Variants in USH2A observed in about 807,000 individuals in gnomAD.
USH2A encodes usherin.
A neutral mutation model predicts 538.9 loss-of-function variants in USH2A; 443 were observed. The ratio of observed to expected loss-of-function variants is 0.82; its 90% CI spans 0.76 to 0.89. USH2A has a LOEUF of 0.89. Ranked by LOEUF, USH2A falls within the 40% of genes least tolerant of loss-of-function variation. The probability of loss-of-function intolerance (pLI) is 0.00; values close to 1 mark genes in which losing one functional copy is unlikely to be tolerated. For synonymous variants in USH2A, 2,413 were observed against 2,273.5 expected (o/e 1.06, Z -1.75); for missense variants, 6,633 against 6,324.8 (o/e 1.05, Z -1.65).
At chr1:216,021,346 A>T (rs1055838617) in intron 32 of USH2A, among the ~76,000 whole-genome samples, 8 of 152,134 alleles carry the variant, frequency 5.3e-5, no homozygotes, top group Non-Finnish European at 8.8e-5. Context: ...AATAAGTCTC[A>T]TAAGATCTGA....
chr1:215,663,529 G>A lies in USH2A; in HGVS notation c.14133+7443C>T, dbSNP rs1050407914. On this transcript the variant is annotated intron_variant, in intron 64 of 71. Transcript: ENST00000307340. ...TGTTCCCGTGGTTGGTGTGTGTAGCGTGCTAGGGCAGTTCTTGCTTCTGGC... is the reference window on the plus strand; with the variant it reads ...TGTTCCCGTGGTTGGTGTGTGTAGCATGCTAGGGCAGTTCTTGCTTCTGGC... 7.2e-5 allele frequency among the ~76,000 whole-genome samples: 11 copies of A among 152,124 alleles called. No individual in the cohort carries two copies. In the South Asian group the frequency reaches 8.3e-4, roughly 11 times the overall value.
At chr1:215,689,351 A>G (rs1254618506) in intron 61 of USH2A, among the ~76,000 whole-genome samples, 1 of 152,212 alleles carries the variant, frequency 6.6e-6, no homozygotes, top group Non-Finnish European at 1.5e-5. Context: ...ACAAGTCTCC[A>G]TATGATCTCT....
Position 215,900,175 on chromosome 1 carries a change from AC to A in USH2A, c.7493del (p.Ser2498MetfsTer30), listed in dbSNP as rs1553274448. On this transcript the variant is annotated frameshift_variant, in exon 40 of 72. Transcript: ENST00000307340. LOFTEE classifies it high-confidence loss of function. ...NPSASLSYEV[S>X]DLQPYTEYMF... ...TATACTCTGTGTACGGTTGGAGATC[AC>A]TCACTTCATAGCTTAACGATGCAGA... 5.6e-6 allele frequency: 9 copies of A among 1,613,218 alleles called. No individual in the cohort carries two copies. The highest frequency in any genetic ancestry group is 7.6e-6 in the Non-Finnish European group (9 of 1,179,314).
At chr1:216,355,956 CAT>C (rs141068987) in intron 4 of USH2A, among the ~76,000 whole-genome samples, 1,559 of 152,114 alleles carry the variant, frequency 0.01, 16 homozygotes, top group African/African-American at 0.035. Flanking sequence ...ATGAATCAAA[CAT>C]GTGTTATTTA....
chr1:216,361,544 T>C (rs1487662276), intron 4 of USH2A, among the ~76,000 whole-genome samples: 1 of 152,082 alleles, frequency 6.6e-6, no homozygotes, highest in Non-Finnish European at 1.5e-5. Flanking sequence ...AGACCTCCTA[T>C]AAATTATTAA....
intron 58 of USH2A, among the ~76,000 whole-genome samples, chr1:215,747,882 G>GTATT (rs1660518190): frequency 7.8e-6 from 1 of 128,746 alleles, no homozygotes; most frequent in Non-Finnish European, 1.8e-5. Context: ...TTGTTTGTTT[G>GTATT]TTTGTTTGGT....
At chr1:216,282,046 T>C (rs1379131880) in intron 11 of USH2A, among the ~76,000 whole-genome samples, 2 of 152,056 alleles carry the variant, frequency 1.3e-5, no homozygotes, top group South Asian at 2.1e-4. Context: ...CATTTTAAAA[T>C]TGAGTTATTT....
rs190310075 is a variant in USH2A at position 216,136,420 on chromosome 1, G to C, written c.4627+38832C>G. Among the ~76,000 whole-genome samples the C allele has an allele frequency of 7.4e-4, 113 of 152,220 alleles. 2 individuals are homozygous for C. In the East Asian group the frequency reaches 9.1e-3, roughly 12 times the overall value. ...TACCATAGTGCACCATGCTGTGTTT[G>C]CAAAATTATAATTTTATATTAAATA... On this transcript the variant is annotated intron_variant, in intron 21 of 71. Coordinates refer to ENST00000307340, the MANE Select transcript of USH2A (RefSeq NM_206933.4).
In USH2A at chr1:215,780,956, G is replaced by A. The variant is rs537602984; in HGVS notation, c.10741-915C>T. 9.8e-5 allele frequency among the ~76,000 whole-genome samples: 15 copies of A among 152,374 alleles called. No homozygotes were observed. In the South Asian group the frequency reaches 3.1e-3, roughly 32 times the overall value. On this transcript the variant is annotated intron_variant, in intron 54 of 71. Transcript: ENST00000307340. ...TTTTAAGCATATGAAAAGAATCAGAGCTACTCTGTGTAAGTTTGTTTCCTC... is the reference window on the plus strand; with the variant it reads ...TTTTAAGCATATGAAAAGAATCAGAACTACTCTGTGTAAGTTTGTTTCCTC...
Position 215,670,962 on chromosome 1 carries a change from C to T in USH2A, c.14133+10G>A, listed in dbSNP as rs376302401. On this transcript the variant is annotated intron_variant, in intron 64 of 71. Coordinates refer to ENST00000307340, the MANE Select transcript of USH2A (RefSeq NM_206933.4). ...ATCAGCTCGAATTGTTTATAATACA[C>T]ATTTCTTACCTGATACTCATACTCT... The T allele has an allele frequency of 1.7e-5, 28 of 1,613,728 alleles. No individual in the cohort carries two copies. Among genetic ancestry groups the T allele is most frequent in the African/African-American group, 2.7e-5 (2 of 75,034 alleles).
chr1:216,157,107 C>T (rs1299205497), intron 21 of USH2A, among the ~76,000 whole-genome samples: 17 of 152,016 alleles, frequency 1.1e-4, no homozygotes, highest in African/African-American at 3.6e-4. Context: ...CTCTTGACCT[C>T]GTGATCCACC....
chr1:215,636,834 T>C (rs1280952471), intron 69 of USH2A, among the ~76,000 whole-genome samples: 1 of 152,142 alleles, frequency 6.6e-6, no homozygotes, highest in Non-Finnish European at 1.5e-5. Flanking sequence ...GCAGCACATC[T>C]TGGAATCTGC....
intron 61 of USH2A, among the ~76,000 whole-genome samples, chr1:215,700,246 A>G (rs1372251689): frequency 6.6e-6 from 1 of 152,164 alleles, no homozygotes; most frequent in East Asian, 1.9e-4. Context: ...AATGTTCATC[A>G]TGGATATTGG....
At position 215,878,880 on chromosome 1, in the gene USH2A, A is replaced by C; in HGVS notation, c.8442T>G (p.Val2814=). The C allele has an allele frequency of 6.2e-7, 1 of 1,614,048 alleles. No homozygotes were observed. Among genetic ancestry groups the C allele is most frequent in the Non-Finnish European group, 8.5e-7 (1 of 1,179,964 alleles). Residue 2814 remains valine, a synonymous_variant, in exon 42 of 72, where the codon GTT becomes GTG. Transcript: ENST00000307340. ...GGCTESLPTY[V]TTHPTVPQNV... ...TCTGAGGTACGGTGGGGTGAGTGGT[A>C]ACATAGGTAGGTAAACTCTCTGTGC... is the stretch of plus-strand genomic sequence containing the variant.
chr1:215,640,882 A>G, intron 67 of USH2A, 148 bp from the exon 68 acceptor site: 1 of 920,090 alleles, frequency 1.1e-6, no homozygotes, highest in South Asian at 1.6e-5. Flanking sequence ...CATTGCTAGA[A>G]TCCTTCACTT....
intron 36 of USH2A, among the ~76,000 whole-genome samples, chr1:215,969,223 A>T (rs182148236): frequency 1.3e-5 from 2 of 152,326 alleles, no homozygotes; most frequent in South Asian, 4.1e-4. Flanking sequence ...TACAGCATAA[A>T]GAAAAGTACC....
chr1:216,122,337 AG>A (rs34671253), intron 21 of USH2A, among the ~76,000 whole-genome samples: 1 of 152,206 alleles, frequency 6.6e-6, no homozygotes, highest in Non-Finnish European at 1.5e-5. Context: ...TAAAGAAAGA[AG>A]GAAGTGGGAT....
At chr1:216,235,730 T>C (rs1428772081) in intron 13 of USH2A, among the ~76,000 whole-genome samples, 1 of 152,122 alleles carries the variant, frequency 6.6e-6, no homozygotes, top group Non-Finnish European at 1.5e-5. Flanking sequence ...TTTGCCAAGG[T>C]CTTGAGAGGG....
chr1:215,663,283 C>A (rs1251111880), intron 64 of USH2A, among the ~76,000 whole-genome samples: 2 of 152,126 alleles, frequency 1.3e-5, no homozygotes, highest in Non-Finnish European at 2.9e-5. Context: ...GGGCATGGAC[C>A]TACTAAGTAG....
Sources: allele counts gnomAD v4.1 joint callset (sites outside exome capture counted in the v4.1 genomes callset), GRCh38; gene constraint gnomAD v4.1.1; transcripts MANE v1.5; gene names NCBI Gene and HGNC (gene_info 2026-07-23, HGNC 2026-07-21).